Variants in ADGRL3 observed in about 807,000 individuals in gnomAD.
The protein encoded by ADGRL3 is calcium-independent alpha-latrotoxin receptor 3.
ADGRL3 carries 62 observed loss-of-function variants against 153.5 expected under a neutral mutation model. The observed-to-expected ratio is 0.40, with a 90% confidence interval of 0.33 to 0.50. The LOEUF (loss-of-function observed/expected upper bound fraction) is 0.50, where lower values mean the gene tolerates loss of function less well. Among genes scored for constraint, ADGRL3 ranks in the 20% least tolerant of loss-of-function variants. The probability of loss-of-function intolerance (pLI) is 0.47; values close to 1 mark genes in which losing one functional copy is unlikely to be tolerated. For missense variants in ADGRL3, 1,641 were observed against 1,859.4 expected (o/e 0.88, Z 2.16); for synonymous variants, 710 against 672.5 (o/e 1.06, Z -0.86).
chr4:61,625,170 C>T lies in ADGRL3; in HGVS notation c.473+37730C>T, dbSNP rs538314635. 1.0e-3 allele frequency among the ~76,000 whole-genome samples: 155 copies of T among 151,934 alleles called. 2 individuals are homozygous for T. The highest frequency in any genetic ancestry group is 1.8e-3 in the Non-Finnish European group (122 of 67,914). On this transcript the variant is annotated intron_variant, in intron 5 of 26. Coordinates refer to ENST00000683033, the MANE Select transcript of ADGRL3 (RefSeq NM_001387552.1). ...TTTTTCATCCAGCCAAATCATTCAA[C>T]GGTTATTTATTTAGTGCTTGGTGTA...
At position 61,915,840 on chromosome 4, in the gene ADGRL3, G is replaced by A. The variant is rs947237917; in HGVS notation, c.2112+3083G>A. The stretch of plus-strand genomic sequence containing the variant: ...TACATTCAGAGCTACCTACGAAATA[G>A]GTGTGAAATATGCTTGAAGTGCTTT... On this transcript the variant is annotated intron_variant, in intron 13 of 26. Coordinates refer to ENST00000683033, the MANE Select transcript of ADGRL3 (RefSeq NM_001387552.1). 5.3e-5 allele frequency among the ~76,000 whole-genome samples: 8 copies of A among 151,942 alleles called. No homozygotes were observed. The East Asian group carries it at 1.5e-3, about 29-fold the overall frequency.
Position 61,216,518 on chromosome 4 carries a change from C to G in ADGRL3, c.-240+14753C>G, listed in dbSNP as rs140918657. ...TAGAATTCTCAGTGTCCCCATTTTA[C>G]TCCTTTTTTTTTCTTATGGCTGAAT... On this transcript the variant is annotated intron_variant, in intron 1 of 26. Coordinates refer to ENST00000683033, the MANE Select transcript of ADGRL3 (RefSeq NM_001387552.1). Among the ~76,000 whole-genome samples, 433 of 151,882 alleles carry G rather than the reference C, an allele frequency of 2.9e-3. 3 individuals are homozygous for G. Among genetic ancestry groups the G allele is most frequent in the Non-Finnish European group, 5.2e-3 (356 of 67,936 alleles).
chr4:61,781,331 C>CTAAAAAAAAAAAAA (rs2097210587), intron 8 of ADGRL3, among the ~76,000 whole-genome samples: 1 of 64,440 alleles, frequency 1.6e-5, no homozygotes, highest in African/African-American at 6.6e-5. Context: ...ATTCTGCCTC[C>CTAAAAAAAAAAAAA]AAAAAAAAAA....
At chr4:62,003,705 A>G (rs945207321) in intron 21 of ADGRL3, among the ~76,000 whole-genome samples, 3 of 152,134 alleles carry the variant, frequency 2.0e-5, no homozygotes, top group Admixed American at 1.3e-4. Context: ...CTCAGCCTCT[A>G]TCAAAATCCC....
chr4:61,393,645 G>A (rs2096838151), intron 2 of ADGRL3, among the ~76,000 whole-genome samples: 1 of 151,562 alleles, frequency 6.6e-6, no homozygotes, highest in Non-Finnish European at 1.5e-5. Flanking sequence ...AAAGTTTCAA[G>A]CTTATATACT....
chr4:61,536,379 G>A, intron 4 of ADGRL3, among the ~76,000 whole-genome samples: 1 of 152,096 alleles, frequency 6.6e-6, no homozygotes, highest in East Asian at 1.9e-4. Context: ...AGAGTGTTCT[G>A]TAGATATCTA....
At chr4:61,762,635 A>C (rs1390960013) in intron 8 of ADGRL3, among the ~76,000 whole-genome samples, 1 of 152,206 alleles carries the variant, frequency 6.6e-6, no homozygotes. Context: ...AAAAAATTTT[A>C]GCTCTTCTAA....
intron 6 of ADGRL3, among the ~76,000 whole-genome samples, chr4:61,724,488 G>A (rs543586040): frequency 6.6e-6 from 1 of 152,230 alleles, no homozygotes; most frequent in Non-Finnish European, 1.5e-5. Context: ...AGCATTCTAT[G>A]AATTATTGGC....
chr4:61,248,725 G>A (rs113115708), intron 1 of ADGRL3, among the ~76,000 whole-genome samples: 6 of 152,072 alleles, frequency 3.9e-5, no homozygotes, highest in East Asian at 1.9e-4. Context: ...AATAGAGTCC[G>A]AGCCAGTTTT....
intron 6 of ADGRL3, among the ~76,000 whole-genome samples, chr4:61,725,449 GC>G (rs1396539951): frequency 1.3e-5 from 2 of 151,972 alleles, no homozygotes; most frequent in African/African-American, 4.8e-5. Context: ...AACAAAATTA[GC>G]CAGGCGTGGT....
rs537430891 is a variant in ADGRL3 at position 61,662,496 on chromosome 4, C to A, written c.474-14330C>A. Among the ~76,000 whole-genome samples, 27 of 152,314 alleles carry A rather than the reference C, an allele frequency of 1.8e-4. No individual in the cohort carries two copies. The South Asian group carries it at 3.7e-3, about 21-fold the overall frequency. ...ACATACCAGCCGCCTGCTGCCTTGG[C>A]CCCCTCCAGACTTTGGGTGCCAATG... On this transcript the variant is annotated intron_variant, in intron 5 of 26. Coordinates refer to ENST00000683033, the MANE Select transcript of ADGRL3 (RefSeq NM_001387552.1).
At chr4:61,276,868 T>A (rs1203996597) in intron 1 of ADGRL3, among the ~76,000 whole-genome samples, 2 of 152,104 alleles carry the variant, frequency 1.3e-5, no homozygotes, top group African/African-American at 4.8e-5. Flanking sequence ...CCCAATATTA[T>A]CAGAGTAGAC....
chr4:61,372,756 C>G (rs1178919022), intron 1 of ADGRL3, among the ~76,000 whole-genome samples: 1 of 152,122 alleles, frequency 6.6e-6, no homozygotes, highest in African/African-American at 2.4e-5. Context: ...GTGGGCTCCA[C>G]CCAGTTCGAG....
intron 1 of ADGRL3, among the ~76,000 whole-genome samples, chr4:61,331,963 G>A (rs1338296180): frequency 8.5e-5 from 13 of 152,144 alleles, no homozygotes; most frequent in African/African-American, 2.9e-4. Flanking sequence ...GAGTGGACAA[G>A]TGGCTTAAAG....
At chr4:61,441,434 G>A (rs1203055160) in intron 2 of ADGRL3, among the ~76,000 whole-genome samples, 3 of 152,066 alleles carry the variant, frequency 2.0e-5, no homozygotes, top group Admixed American at 6.6e-5. Flanking sequence ...CACAACTTCA[G>A]TCAAGCTAGA....
intron 1 of ADGRL3, among the ~76,000 whole-genome samples, chr4:61,264,453 G>C (rs1177025034): frequency 6.6e-6 from 1 of 151,918 alleles, no homozygotes; most frequent in Non-Finnish European, 1.5e-5. Flanking sequence ...TTATAAAATA[G>C]GTTTTTGACA....
chr4:62,007,457 C>CAT lies in ADGRL3; in HGVS notation c.3395+9197_3395+9198dup, dbSNP rs1287283695. Among the ~76,000 whole-genome samples, 54 of 103,726 alleles carry CAT rather than the reference C, an allele frequency of 5.2e-4. No homozygotes were observed. In the East Asian group the frequency reaches 5.9e-3, roughly 11 times the overall value. The allele number at this position is 103,726 out of a possible 152,430, so 68.0% of individuals were successfully genotyped here. ...ATATATATACACACACATATATATA[C>CAT]ATATATGTGTGTGTATATATATATA... On this transcript the variant is annotated intron_variant, in intron 21 of 26. Coordinates refer to ENST00000683033, the MANE Select transcript of ADGRL3 (RefSeq NM_001387552.1).
intron 4 of ADGRL3, among the ~76,000 whole-genome samples, chr4:61,530,594 A>G (rs1260260443): frequency 6.6e-6 from 1 of 152,074 alleles, no homozygotes; most frequent in Admixed American, 6.6e-5. Context: ...GGGTGGGATA[A>G]TATGTTAATT....
At chr4:61,483,865 A>C (rs958865314) in intron 2 of ADGRL3, among the ~76,000 whole-genome samples, 1 of 150,540 alleles carries the variant, frequency 6.6e-6, no homozygotes, top group Non-Finnish European at 1.5e-5. Context: ...AAAATATATA[A>C]TATATATGAA....
Sources: gnomAD v4.1 joint callset for allele counts (sites outside exome capture counted in the v4.1 genomes callset) on GRCh38, gnomAD v4.1.1 for gene constraint, MANE v1.5 for transcripts, NCBI Gene and HGNC (gene_info 2026-07-23, HGNC 2026-07-21) for gene names.